ZNF507: variants seen among roughly 807,000 people sequenced by gnomAD.
The protein encoded by ZNF507 is zinc finger protein 507.
ZNF507 carries 29 observed loss-of-function variants against 80.0 expected under a neutral mutation model. The ratio of observed to expected loss-of-function variants is 0.36; its 90% CI spans 0.27 to 0.49. The LOEUF (loss-of-function observed/expected upper bound fraction) is 0.49. Among genes scored for constraint, ZNF507 ranks in the 20% least tolerant of loss-of-function variants. The pLI is 0.98. For missense variants in ZNF507, 1,081 were observed against 1,152.2 expected, an observed-to-expected ratio of 0.94 and a Z score of 0.90; for synonymous variants, 462 against 422.5, an observed-to-expected ratio of 1.09 and a Z score of -1.15.
intron 5 of ZNF507, among the ~76,000 whole-genome samples, chr19:32,367,339 G>A (rs532334909): frequency 3.3e-5 from 5 of 152,298 alleles, no homozygotes; most frequent in East Asian, 3.9e-4. Context: ...ATCAAATTTC[G>A]ACATGAGATT....
At chr19:32,374,265 G>T (rs1967516192) in intron 5 of ZNF507, among the ~76,000 whole-genome samples, 2 of 151,728 alleles carry the variant, frequency 1.3e-5, no homozygotes, top group Non-Finnish European at 1.5e-5. Flanking sequence ...GTTATAAATA[G>T]TTTTTTCCTT....
chr19:32,368,565 G>A (rs758206696), intron 5 of ZNF507, among the ~76,000 whole-genome samples: 24 of 152,194 alleles, frequency 1.6e-4, no homozygotes, highest in Non-Finnish European at 2.2e-4. Flanking sequence ...TGTAGGCATC[G>A]TGATTCTTTA....
intron 2 of ZNF507, among the ~76,000 whole-genome samples, chr19:32,349,628 C>G (rs538880021): frequency 6.6e-6 from 1 of 152,282 alleles, no homozygotes; most frequent in South Asian, 2.1e-4. Flanking sequence ...TTGCACATAA[C>G]AATTTGTTTG....
chr19:32,363,482 G>A (rs933367461), intron 5 of ZNF507, among the ~76,000 whole-genome samples: 4 of 152,038 alleles, frequency 2.6e-5, no homozygotes, highest in African/African-American at 7.3e-5. Flanking sequence ...TGGGCAGTAC[G>A]GCTTCATGGA....
intron 2 of ZNF507, among the ~76,000 whole-genome samples, chr19:32,350,139 A>G (rs1054054449): frequency 5.9e-5 from 9 of 151,876 alleles, no homozygotes; most frequent in African/African-American, 2.2e-4. Context: ...GAAAATTGAA[A>G]GAGTTGGCCT....
Position 32,354,623 on chromosome 19 carries a change from C to T in ZNF507, c.1793C>T (p.Thr598Ile). ...GTCATTGAAAAATTGAGAGAAAGGA[C>T]AGACCAAAACGCTTCAGACGATGAC... ...LTVIEKLRER[T>I]DQNASDDDIL... is the part of the protein sequence containing the mutation. Residue 598 changes from threonine (T) to isoleucine (I), a missense_variant, in exon 3 of 7, where the codon ACA becomes ATA. Physicochemically the swap from Thr to Ile is moderately conservative, Grantham distance 89. Around this residue, in one of 6 missense-constraint regions of ZNF507, gnomAD observed 614 missense variants for 583.9 expected, o/e 1.05. Coordinates refer to ENST00000355898, the MANE Select transcript of ZNF507 (RefSeq NM_001136156.2). 1 of 1,614,132 alleles carries T rather than the reference C, an allele frequency of 6.2e-7. No homozygotes were observed. The highest frequency in any genetic ancestry group is 8.5e-7 in the Non-Finnish European group (1 of 1,180,028).
intron 5 of ZNF507, among the ~76,000 whole-genome samples, chr19:32,373,671 C>T (rs1464020781): frequency 6.6e-6 from 1 of 152,232 alleles, no homozygotes; most frequent in Non-Finnish European, 1.5e-5. Context: ...GATCCTCTGG[C>T]TGCATATCCC....
At chr19:32,350,262 A>G (rs910865882) in intron 2 of ZNF507, among the ~76,000 whole-genome samples, 1 of 146,260 alleles carries the variant, frequency 6.8e-6, no homozygotes, top group African/African-American at 2.6e-5. Flanking sequence ...TTGATTTTGC[A>G]TGGGGACCCA....
chr19:32,376,522 G>A (rs897962964), intron 5 of ZNF507, among the ~76,000 whole-genome samples: 2 of 152,174 alleles, frequency 1.3e-5, no homozygotes, highest in African/African-American at 2.4e-5. Context: ...AGCAGGACAC[G>A]GGACCCAACC....
intron 5 of ZNF507, among the ~76,000 whole-genome samples, chr19:32,372,590 A>C (rs908966046): frequency 6.6e-6 from 1 of 151,974 alleles, no homozygotes; most frequent in African/African-American, 2.4e-5. Flanking sequence ...AGAGAAGGTC[A>C]AAAAAGGGGG....
chr19:32,379,793 GT>G (rs533962935), intron 5 of ZNF507, among the ~76,000 whole-genome samples: 2 of 93,430 alleles, frequency 2.1e-5, no homozygotes, highest in Middle Eastern at 6.8e-3. Context: ...TTTGGTTGTT[GT>G]TTTTTTTTCC....
chr19:32,350,181 T>TATA (rs2145312579), intron 2 of ZNF507, among the ~76,000 whole-genome samples: 1 of 150,262 alleles, frequency 6.7e-6, no homozygotes, highest in South Asian at 2.1e-4. Context: ...TATACTTTAT[T>TATA]ATCAGCTGTT....
At position 32,356,726 on chromosome 19, in the gene ZNF507, C is replaced by G. The variant is rs760054751; in HGVS notation, c.2238C>G (p.Val746=). 1.6e-5 allele frequency: 25 copies of G among 1,612,378 alleles called. No individual in the cohort carries two copies. The highest frequency in any genetic ancestry group is 2.0e-5 in the Non-Finnish European group (24 of 1,178,586). ...ISSDTADGKC[V]QEGNKSSVQK... is the part of the protein sequence containing the mutation. ...GTGATACAGCTGATGGAAAATGTGTCCAGGAAGGTATCTATGTATTTTGTT... is the reference window on the plus strand; with the variant it reads ...GTGATACAGCTGATGGAAAATGTGTGCAGGAAGGTATCTATGTATTTTGTT... The change falls in exon 4 of 7, where the codon GTC becomes GTG. Residue 746 remains valine (V), a synonymous_variant. Coordinates refer to ENST00000355898, the MANE Select transcript of ZNF507 (RefSeq NM_001136156.2).
intron 5 of ZNF507, among the ~76,000 whole-genome samples, chr19:32,373,803 C>T (rs943183836): frequency 5.9e-5 from 9 of 152,148 alleles, no homozygotes; most frequent in Non-Finnish European, 5.9e-5. Flanking sequence ...GTTTTTGCTG[C>T]ACTTCGATTT....
chr19:32,370,250 TCTC>T (rs1967452656), intron 5 of ZNF507, among the ~76,000 whole-genome samples: 1 of 152,218 alleles, frequency 6.6e-6, no homozygotes, highest in African/African-American at 2.4e-5. Context: ...GGCGATCTCA[TCTC>T]CTACACAGAA....
chr19:32,351,764 A>G (rs1382228700), intron 2 of ZNF507, among the ~76,000 whole-genome samples: 1 of 152,184 alleles, frequency 6.6e-6, no homozygotes, highest in Admixed American at 6.5e-5. Flanking sequence ...ATGCACCTAA[A>G]ATGTGGAAAA....
Position 32,354,499 on chromosome 19 carries a change from C to T in ZNF507, c.1669C>T (p.Leu557Phe), listed in dbSNP as rs745897855. 1.3e-4 allele frequency: 205 copies of T among 1,614,180 alleles called. No individual in the cohort carries two copies. The East Asian group carries it at 4.6e-3, about 36-fold the overall frequency. Residue 557 changes from leucine to phenylalanine, a missense_variant, in exon 3 of 7, where the codon CTT (leucine) becomes TTT (phenylalanine). This residue lies in a region of ZNF507 where 614 missense variants were observed against 583.9 expected (regional missense o/e 1.05). Coordinates refer to ENST00000355898, the MANE Select transcript of ZNF507 (RefSeq NM_001136156.2). Reference sequence around the variant, plus strand: ...AAACTCTTCAGATGGATTAACTAGTCTTAACCAAAGCAACTCCACCTTGGT... The same window carrying T: ...AAACTCTTCAGATGGATTAACTAGTTTTAACCAAAGCAACTCCACCTTGGT... Reference protein sequence around the residue: ...LKNSSDGLTSLNQSNSTLVAL... With the variant: ...LKNSSDGLTSFNQSNSTLVAL...
In ZNF507 at chr19:32,360,520, C is replaced by G. The variant is rs1425712489; in HGVS notation, c.2262C>G (p.Val754=). Residue 754 remains valine, a synonymous_variant, in exon 5 of 7, where the codon GTC becomes GTG. Transcript: ENST00000355898. ...KCVQEGNKSS[V]QKQYRCDVCD... ...CTTGTCTAGGGAATAAGTCTTCAGT[C>G]CAGAAACAATATAGATGTGATGTGT... The G allele has an allele frequency of 3.0e-5, 47 of 1,576,394 alleles. No homozygotes were observed. The highest frequency in any genetic ancestry group is 4.0e-5 in the Non-Finnish European group (46 of 1,163,880).
At chr19:32,363,036 T>C (rs1409660077) in intron 5 of ZNF507, among the ~76,000 whole-genome samples, 1 of 152,222 alleles carries the variant, frequency 6.6e-6, no homozygotes, top group Admixed American at 6.5e-5. Flanking sequence ...TTTCTAGGAC[T>C]TTCTCCTCGT....
Sources: gnomAD v4.1 joint callset for allele counts (sites outside exome capture counted in the v4.1 genomes callset) on GRCh38, gnomAD v4.1.1 for gene constraint, gnomAD v4.1.1 regional missense constraint, MANE v1.5 for transcripts, NCBI Gene and HGNC (gene_info 2026-07-23, HGNC 2026-07-21) for gene names.